Variants in COX10 observed in about 807,000 individuals in gnomAD.
COX10 encodes the protein cytochrome c oxidase assembly factor heme A:farnesyltransferase COX10.
Under a neutral mutation model 37.3 loss-of-function variants are expected in COX10, and 27 were observed. That is an observed-to-expected ratio of 0.72 (90% CI 0.53 to 1.00). The LOEUF is 1.00. Ranked by LOEUF, COX10 falls within the 50% of genes least tolerant of loss-of-function variation. COX10 has a pLI of 0.00. For synonymous variants in COX10, 222 were observed against 229.1 expected, an observed-to-expected ratio of 0.97 and a Z score of 0.28; for missense variants, 475 against 563.2, an observed-to-expected ratio of 0.84 and a Z score of 1.59.
intron 4 of COX10, among the ~76,000 whole-genome samples, chr17:14,159,370 T>G (rs1163984649): frequency 6.6e-6 from 1 of 152,214 alleles, no homozygotes; most frequent in Non-Finnish European, 1.5e-5. Context: ...CGCTAATGCT[T>G]CAAACCTGAA....
At chr17:14,178,835 C>G (rs991546971) in intron 5 of COX10, among the ~76,000 whole-genome samples, 17 of 151,986 alleles carry the variant, frequency 1.1e-4, no homozygotes, top group Non-Finnish European at 8.8e-5. Flanking sequence ...TTTGATTGCT[C>G]CAGCTTGGGC....
intron 4 of COX10, among the ~76,000 whole-genome samples, chr17:14,110,627 T>C (rs1915988575): frequency 6.6e-6 from 1 of 152,106 alleles, no homozygotes; most frequent in African/African-American, 2.4e-5. Flanking sequence ...TTCTTTTCTT[T>C]TTTTAATCTT....
At chr17:14,188,754 G>A (rs1185634844) in intron 5 of COX10, among the ~76,000 whole-genome samples, 2 of 152,164 alleles carry the variant, frequency 1.3e-5, no homozygotes, top group Non-Finnish European at 1.5e-5. Context: ...AAGGTTGCCC[G>A]TGTTTGATGA....
chr17:14,186,396 G>A (rs1323289101), intron 5 of COX10, among the ~76,000 whole-genome samples: 4 of 152,008 alleles, frequency 2.6e-5, no homozygotes, highest in Admixed American at 1.3e-4. Context: ...TGTTCCCACT[G>A]CCTGCAACTC....
intron 5 of COX10, among the ~76,000 whole-genome samples, chr17:14,170,595 G>A (rs138893624): frequency 1.3e-5 from 2 of 152,258 alleles, no homozygotes; most frequent in African/African-American, 2.4e-5. Flanking sequence ...TGGGCAGATC[G>A]CTTGAGGCCA....
At chr17:14,079,842 T>TTATATATA (rs527465729) in intron 3 of COX10, among the ~76,000 whole-genome samples, 7 of 91,718 alleles carry the variant, frequency 7.6e-5, no homozygotes, top group African/African-American at 3.1e-4. Flanking sequence ...TAGGATCATT[T>TTATATATA]TATATATATA....
At chr17:14,127,634 T>TA in intron 4 of COX10, among the ~76,000 whole-genome samples, 2 of 152,314 alleles carry the variant, frequency 1.3e-5, no homozygotes, top group African/African-American at 4.8e-5. Context: ...TTCTATTAAA[T>TA]AAAAATTATA....
At chr17:14,192,293 G>T (rs1221466728) in intron 6 of COX10, 72 bp downstream of exon 6, 13 of 1,613,790 alleles carry the variant, frequency 8.1e-6, no homozygotes, top group Non-Finnish European at 1.1e-5. Flanking sequence ...CTGAGCTGTA[G>T]CACTTGGTTC....
chr17:14,149,839 G>C (rs1904837040), intron 4 of COX10, among the ~76,000 whole-genome samples: 1 of 152,116 alleles, frequency 6.6e-6, no homozygotes, highest in Non-Finnish European at 1.5e-5. Context: ...GCTAGTTTGA[G>C]TTGTGTTTCT....
chr17:14,207,378 A>G lies in COX10; in HGVS notation c.*165A>G. ...TTTTTTTTTTTTTAAATATTACCCAAAATGCTCCCCAAATAAGAAATGCAT... is the reference window on the plus strand; with the variant it reads ...TTTTTTTTTTTTTAAATATTACCCAGAATGCTCCCCAAATAAGAAATGCAT... On this transcript the variant is annotated 3_prime_UTR_variant, in exon 7 of 7. Transcript: ENST00000261643. 4.5e-6 allele frequency: 4 copies of G among 882,464 alleles called. No homozygotes were observed. Among genetic ancestry groups the G allele is most frequent in the Non-Finnish European group, 6.6e-6 (4 of 604,966 alleles). 54.7% of individuals were successfully genotyped at this position (882,464 alleles called of 1,614,324 possible). A position where few individuals can be genotyped will look rare whatever the true frequency, so the allele number is the denominator to read the frequency against.
At chr17:14,195,023 G>A (rs1314451759) in intron 6 of COX10, among the ~76,000 whole-genome samples, 1 of 152,114 alleles carries the variant, frequency 6.6e-6, no homozygotes, top group African/African-American at 2.4e-5. Context: ...TGCATTGTGG[G>A]GCACACAGTA....
At chr17:14,163,236 AATTTATTTATTTATTT>A (rs56320518) in intron 5 of COX10, among the ~76,000 whole-genome samples, 1 of 146,462 alleles carries the variant, frequency 6.8e-6, no homozygotes, top group African/African-American at 2.6e-5. Context: ...AAGACAGGAA[AATTTATTTATTTATTT>A]ATTTATTTAT....
chr17:14,103,401 C>G (rs907638516), intron 4 of COX10, among the ~76,000 whole-genome samples: 1 of 152,138 alleles, frequency 6.6e-6, no homozygotes, highest in African/African-American at 2.4e-5. Context: ...GGTTATACAT[C>G]TGGGACCCGA....
intron 3 of COX10, among the ~76,000 whole-genome samples, chr17:14,092,007 A>G (rs1261079695): frequency 6.6e-6 from 1 of 152,176 alleles, no homozygotes; most frequent in Admixed American, 6.6e-5. Context: ...AAGTTAATTA[A>G]AAAGGTTATA....
At position 14,069,558 on chromosome 17, in the gene COX10, G is replaced by A. The variant is rs200728892; in HGVS notation, c.-48G>A. 2.1e-5 allele frequency: 34 copies of A among 1,608,852 alleles called. No homozygotes were observed. The East Asian group carries it at 4.2e-4, about 20-fold the overall frequency. On this transcript the variant is annotated 5_prime_UTR_variant, in exon 1 of 7. Coordinates refer to ENST00000261643, the MANE Select transcript of COX10 (RefSeq NM_001303.4). ...GATGGCGGCGCCCAGCGTCCCGTGA[G>A]GAGAGAGGACACAGGGATCCCGGGG...
intron 6 of COX10, among the ~76,000 whole-genome samples, chr17:14,202,281 G>A (rs2142269848): frequency 6.6e-6 from 1 of 150,912 alleles, no homozygotes; most frequent in African/African-American, 2.4e-5. Context: ...CTGGAGTACG[G>A]TGGTGCAGTC....
At chr17:14,148,197 GA>G (rs1392879335) in intron 4 of COX10, among the ~76,000 whole-genome samples, 1 of 152,174 alleles carries the variant, frequency 6.6e-6, no homozygotes, top group African/African-American at 2.4e-5. Flanking sequence ...CACATTGGGT[GA>G]AAAGCCACTT....
chr17:14,158,711 C>T (rs971466314), intron 4 of COX10, among the ~76,000 whole-genome samples: 1 of 152,084 alleles, frequency 6.6e-6, no homozygotes, highest in African/African-American at 2.4e-5. Flanking sequence ...TTGGTTTCTT[C>T]ACTTTGGGAT....
rs560764177 is a variant in COX10, at chr17:14,198,728, A to G, written c.928+6507A>G. On this transcript the variant is annotated intron_variant, in intron 6 of 6. Coordinates refer to ENST00000261643, the MANE Select transcript of COX10 (RefSeq NM_001303.4). The stretch of plus-strand genomic sequence containing the variant: ...CTTTATTTACCTCCCTTATTCCTGG[A>G]TGAGAAAGTAGAGTCGGAGTGAATT... Among the ~76,000 whole-genome samples, 8 of 152,316 alleles carry G rather than the reference A, an allele frequency of 5.3e-5. No homozygotes were observed. In the South Asian group the frequency reaches 1.7e-3, roughly 32 times the overall value.
Sources: allele counts gnomAD v4.1 joint callset (sites outside exome capture counted in the v4.1 genomes callset), GRCh38; gene constraint gnomAD v4.1.1; transcripts MANE v1.5; gene names NCBI Gene and HGNC (gene_info 2026-07-23, HGNC 2026-07-21).